PRMT8: variants seen among roughly 807,000 people sequenced by gnomAD.
PRMT8 encodes protein arginine N-methyltransferase 8.
In PRMT8, 7 loss-of-function variants were observed where a neutral mutation model predicts 47.1. The ratio of observed to expected loss-of-function variants is 0.15; its 90% CI spans 0.08 to 0.28. The LOEUF is 0.28. Among genes scored for constraint, PRMT8 ranks in the 10% least tolerant of loss-of-function variants. The pLI, the probability that PRMT8 is intolerant of heterozygous loss-of-function variation, is 1.00. For missense variants in PRMT8, 237 were observed against 505.4 expected, an observed-to-expected ratio of 0.47 and a Z score of 5.09; for synonymous variants, 188 against 186.5, an observed-to-expected ratio of 1.01 and a Z score of -0.07.
chr12:3,478,261 CATCTATCTATCT>C (rs760728898), intron 1 of PRMT8, among the ~76,000 whole-genome samples: 38 of 127,504 alleles, frequency 3.0e-4, no homozygotes, highest in East Asian at 1.9e-3. Context: ...ATCCACCTAT[CATCTATCTATCT>C]ATCTATCTAT....
At chr12:3,534,188 A>T (rs1866080939) in intron 1 of PRMT8, among the ~76,000 whole-genome samples, 1 of 152,238 alleles carries the variant, frequency 6.6e-6, no homozygotes, top group South Asian at 2.1e-4. Flanking sequence ...GCGGCTGCTG[A>T]GGACAGACGA....
rs3741938 is a variant in PRMT8, at chr12:3,538,600, C to A, written c.76-2006C>A. 3.9e-6 allele frequency: 2 copies of A among 518,522 alleles called. No individual in the cohort carries two copies. Among genetic ancestry groups the A allele is most frequent in the African/African-American group, 1.9e-5 (1 of 51,864 alleles). The allele number at this position is 518,522 out of a possible 1,614,324, so 32.1% of individuals were successfully genotyped here. A position where few individuals can be genotyped will look rare whatever the true frequency, so the allele number is the denominator to read the frequency against. ...GTGCTGGAGGCCCCTGTGACCTTGA[C>A]CATGCACAATGCCCAGACCAGCTCC... On this transcript the variant is annotated intron_variant, in intron 1 of 9. Coordinates refer to ENST00000382622, the MANE Select transcript of PRMT8 (RefSeq NM_019854.5). The surrounding 1 kb of genome is among the most constrained non-coding windows in gnomAD (Gnocchi z 4.6).
intron 1 of PRMT8, among the ~76,000 whole-genome samples, chr12:3,532,318 G>T (rs919412763): frequency 6.7e-6 from 1 of 148,548 alleles, no homozygotes; most frequent in African/African-American, 2.5e-5. Context: ...CATTTTAAAG[G>T]CTTAAAAGTA....
In PRMT8 at chr12:3,415,932, G is replaced by A. The variant is rs144375690; in HGVS notation, c.48+34490G>A. 2.4e-3 allele frequency among the ~76,000 whole-genome samples: 366 copies of A among 152,238 alleles called. 1 individual carries two copies. The highest frequency in any genetic ancestry group is 4.5e-3 in the Non-Finnish European group (307 of 68,020). The stretch of plus-strand genomic sequence containing the variant: ...CTGGGGTAATCACAGGGCTCTCCCC[G>A]CAGGACAGGGACAAACTAGGGCTGC... On this transcript the variant is annotated intron_variant, in intron 1 of 9. Transcript: ENST00000452611.
intron 6 of PRMT8, among the ~76,000 whole-genome samples, chr12:3,571,032 G>A (rs2191215): frequency 6.6e-6 from 1 of 152,190 alleles, no homozygotes; most frequent in Non-Finnish European, 1.5e-5. Context: ...CCTCAGTTAA[G>A]GGATAATTTT....
chr12:3,531,934 C>T lies in PRMT8; in HGVS notation c.76-8672C>T, dbSNP rs1265692661. 1.2e-4 allele frequency among the ~76,000 whole-genome samples: 18 copies of T among 152,122 alleles called. No individual in the cohort carries two copies. In the East Asian group the frequency reaches 2.3e-3, roughly 20 times the overall value. Reference sequence around the variant, plus strand: ...GCTATGGCAGAGCTCAGGGCTTCAGCGAGGAAGAGAGAAGGCCTGAAGCTG... The same window carrying T: ...GCTATGGCAGAGCTCAGGGCTTCAGTGAGGAAGAGAGAAGGCCTGAAGCTG... On this transcript the variant is annotated intron_variant, in intron 1 of 9. Coordinates refer to ENST00000382622, the MANE Select transcript of PRMT8 (RefSeq NM_019854.5).
Position 3,523,436 on chromosome 12 carries a change from G to A in PRMT8, c.76-17170G>A, listed in dbSNP as rs142694518. Reference sequence around the variant, plus strand: ...TGTAGGACGGTTAGCTTTTAGGCAAGTCACCATCTCCACCCCAAGCCCACC... The same window carrying A: ...TGTAGGACGGTTAGCTTTTAGGCAAATCACCATCTCCACCCCAAGCCCACC... On this transcript the variant is annotated intron_variant, in intron 1 of 9. Coordinates refer to ENST00000382622, the MANE Select transcript of PRMT8 (RefSeq NM_019854.5). Among the ~76,000 whole-genome samples, 977 of 152,186 alleles carry A rather than the reference G, an allele frequency of 6.4e-3. 10 individuals are homozygous for A. The highest frequency in any genetic ancestry group is 0.022 in the African/African-American group (921 of 41,492).
intron 1 of PRMT8, among the ~76,000 whole-genome samples, chr12:3,476,191 G>C (rs1208566394): frequency 6.6e-6 from 1 of 152,210 alleles, no homozygotes; most frequent in Non-Finnish European, 1.5e-5. Flanking sequence ...TCAGCTCTAA[G>C]TGGGAGTGGT....
chr12:3,467,020 G>A (rs1315783881), intron 1 of PRMT8, among the ~76,000 whole-genome samples: 1 of 152,030 alleles, frequency 6.6e-6, no homozygotes, highest in East Asian at 1.9e-4. Context: ...GGTGGATCAC[G>A]AGGTCAGGAG....
chr12:3,524,937 A>G (rs1865930214), intron 1 of PRMT8, among the ~76,000 whole-genome samples: 1 of 152,148 alleles, frequency 6.6e-6, no homozygotes, highest in Admixed American at 6.5e-5. Context: ...AACTATTCAA[A>G]TATGGCCAGG....
intron 4 of PRMT8, among the ~76,000 whole-genome samples, chr12:3,567,798 C>G (rs572100424): frequency 6.6e-6 from 1 of 152,252 alleles, no homozygotes; most frequent in Admixed American, 6.5e-5. Flanking sequence ...CATTGGCTGG[C>G]TGTGGTGGCT....
chr12:3,587,922 C>T (rs182323447), intron 8 of PRMT8, among the ~76,000 whole-genome samples: 19 of 152,320 alleles, frequency 1.2e-4, no homozygotes, highest in Admixed American at 1.1e-3. Flanking sequence ...GCACAGACAG[C>T]CAGGGTTCCA....
chr12:3,575,437 A>G (rs1337760411), intron 6 of PRMT8, among the ~76,000 whole-genome samples: 1 of 152,260 alleles, frequency 6.6e-6, no homozygotes, highest in East Asian at 1.9e-4. Context: ...CCCGGAAACT[A>G]AAGAGTCTGC....
At chr12:3,516,451 T>A (rs1865793617) in intron 1 of PRMT8, among the ~76,000 whole-genome samples, 1 of 152,364 alleles carries the variant, frequency 6.6e-6, no homozygotes, top group Admixed American at 6.5e-5. Flanking sequence ...AGCCTGATGC[T>A]GCCAGCATTT....
chr12:3,386,381 A>C (rs73252590), intron 1 of PRMT8, among the ~76,000 whole-genome samples: 2,399 of 152,328 alleles, frequency 0.016, 65 homozygotes, highest in African/African-American at 0.054. Context: ...AAAAGTCAAA[A>C]ATTATTTATT....
intron 1 of PRMT8, among the ~76,000 whole-genome samples, chr12:3,498,794 C>G (rs1019459168): frequency 6.6e-6 from 1 of 152,176 alleles, no homozygotes; most frequent in African/African-American, 2.4e-5. Context: ...CTGTATTACC[C>G]TCCTAGGTCT....
intron 1 of PRMT8, among the ~76,000 whole-genome samples, chr12:3,534,158 G>T (rs1176346976): frequency 6.6e-6 from 1 of 152,252 alleles, no homozygotes; most frequent in Non-Finnish European, 1.5e-5. Context: ...TTCCCTCCGT[G>T]GGCCCTCCAG....
chr12:3,537,316 T>C (rs1866136540), intron 1 of PRMT8, among the ~76,000 whole-genome samples: 1 of 152,268 alleles, frequency 6.6e-6, no homozygotes, highest in Admixed American at 6.5e-5. Context: ...ATTTCACATG[T>C]ACTTGCCTCA....
intron 1 of PRMT8, among the ~76,000 whole-genome samples, chr12:3,494,717 C>A (rs548127756): frequency 2.0e-5 from 3 of 152,308 alleles, no homozygotes; most frequent in African/African-American, 7.2e-5. Context: ...TTGACCAAAG[C>A]CTCCCTCCAC....
Sources: gnomAD v4.1 joint callset for allele counts (sites outside exome capture counted in the v4.1 genomes callset) on GRCh38, gnomAD v4.1.1 for gene constraint, Gnocchi (gnomAD v3.1) non-coding constraint, MANE v1.5 for transcripts, NCBI Gene and HGNC (gene_info 2026-07-23, HGNC 2026-07-21) for gene names.